The following PIWIL1 variants were observed in gnomAD, a reference collection of about 807,000 sequenced individuals.
PIWIL1 encodes piwi-like protein 1.
In PIWIL1, 73 loss-of-function variants were observed where a neutral mutation model predicts 114.4. That is an observed-to-expected ratio of 0.64 (90% confidence interval 0.53 to 0.78). The LOEUF (loss-of-function observed/expected upper bound fraction) is 0.78, where lower values mean the gene tolerates loss of function less well. Ranked by LOEUF, PIWIL1 falls within the 30% of genes least tolerant of loss-of-function variation. PIWIL1 has a pLI of 0.00. For missense variants in PIWIL1, 723 were observed against 1,063.1 expected (o/e 0.68, Z 4.45); for synonymous variants, 375 against 369.0 (o/e 1.02, Z -0.19).
chr12:130,421,920 G>A, the PIWIL1 span, among the ~76,000 whole-genome samples: 1,003 of 152,324 alleles, frequency 6.6e-3, 7 homozygotes, highest in African/African-American at 0.023. Flanking sequence ...GAATGGAAAC[G>A]GAATGCCAGA....
At chr12:130,352,515 C>A (rs1003912558) in intron 9 of PIWIL1, among the ~76,000 whole-genome samples, 1 of 152,056 alleles carries the variant, frequency 6.6e-6, no homozygotes, top group East Asian at 1.9e-4. Context: ...CTCGTCTCTA[C>A]TAAAAATACA....
chr12:130,349,078 G>A (rs574408814), intron 7 of PIWIL1, among the ~76,000 whole-genome samples, 161 bp from the exon 8 acceptor site: 2 of 152,238 alleles, frequency 1.3e-5, no homozygotes, highest in African/African-American at 4.8e-5. Flanking sequence ...GTTGTTGAAG[G>A]TCTTAAAGCT....
At chr12:130,347,986 G>A (rs1247739903) in intron 6 of PIWIL1, 117 bp from the exon 7 acceptor site, 4 of 594,500 alleles carry the variant, frequency 6.7e-6, no homozygotes, top group Non-Finnish European at 1.2e-5. Context: ...CAGGTAGGTT[G>A]GATTTGGCCT....
chr12:130,352,671 C>CAAAT (rs916943775), intron 9 of PIWIL1, among the ~76,000 whole-genome samples: 1 of 152,036 alleles, frequency 6.6e-6, no homozygotes, highest in Non-Finnish European at 1.5e-5. Context: ...AACTCTGTCT[C>CAAAT]AAATAAATAA....
the PIWIL1 span, chr12:130,412,883 A>G: frequency 8.7e-7 from 1 of 1,143,964 alleles, no homozygotes; most frequent in Non-Finnish European, 1.2e-6. Context: ...TCGAAAATAT[A>G]TTTTAAATAT....
the PIWIL1 span, among the ~76,000 whole-genome samples, chr12:130,409,381 C>A: frequency 8.6e-6 from 1 of 116,608 alleles, no homozygotes; most frequent in Non-Finnish European, 1.6e-5. Context: ...CTCGCTCTGT[C>A]GCCCAGGCTG....
At chr12:130,425,942 T>C in the PIWIL1 span, 30,970 of 152,374 alleles carry the variant, frequency 0.2, 3,671 homozygotes, top group East Asian at 0.45. Flanking sequence ...ACAAGCCAGG[T>C]GAGGAGGCAT....
intron 18 of PIWIL1, among the ~76,000 whole-genome samples, chr12:130,364,664 G>T (rs2073606827): frequency 6.6e-6 from 1 of 152,018 alleles, no homozygotes; most frequent in South Asian, 2.1e-4. Context: ...TTGTTTTCAG[G>T]CTTTAGAAGC....
chr12:130,376,542 T>G (rs1451193221), downstream of PIWIL1, among the ~76,000 whole-genome samples: 1 of 152,206 alleles, frequency 6.6e-6, no homozygotes, highest in Non-Finnish European at 1.5e-5. Context: ...AAAGTTAAAC[T>G]GTGATTTCTT....
chr12:130,341,066 A>G (rs1320874922), intron 1 of PIWIL1, among the ~76,000 whole-genome samples: 6 of 152,222 alleles, frequency 3.9e-5, no homozygotes, highest in African/African-American at 1.2e-4. Context: ...TCAGAGGATG[A>G]AAAAGATAAT....
At chr12:130,382,709 T>C in the PIWIL1 span, among the ~76,000 whole-genome samples, 1 of 152,232 alleles carries the variant, frequency 6.6e-6, no homozygotes, top group Non-Finnish European at 1.5e-5. Flanking sequence ...TGAGCTTCAA[T>C]GTCTTCCTCT....
chr12:130,344,812 T>C (rs894670486), intron 3 of PIWIL1, among the ~76,000 whole-genome samples: 18 of 152,218 alleles, frequency 1.2e-4, no homozygotes, highest in African/African-American at 4.1e-4. Flanking sequence ...GGCTCTCTTA[T>C]GGAATTTTTC....
chr12:130,424,671 G>A, the PIWIL1 span: 9 of 1,231,868 alleles, frequency 7.3e-6, no homozygotes, highest in East Asian at 3.2e-5. This position sits in a 1 kb window ranked among gnomAD's most constrained non-coding sequence, Gnocchi z 9.8. Context: ...GCCGGGCCTG[G>A]GCTCTCTGGC....
In PIWIL1 at chr12:130,371,669, T is replaced by G. The variant is rs944372086; in HGVS notation, c.*71T>G. ...GGATTTTTTTAAGCTTTTATTTACT[T>G]TTTTTTTAACTGTTATCTTTCTGGA... On this transcript the variant is annotated 3_prime_UTR_variant, in exon 21 of 21. Coordinates refer to ENST00000245255, the MANE Select transcript of PIWIL1 (RefSeq NM_004764.5). The G allele has an allele frequency of 2.1e-6, 2 of 972,730 alleles. No homozygotes were observed. 60.3% of individuals were successfully genotyped at this position (972,730 alleles called of 1,614,324 possible).
rs560846994 is a variant in PIWIL1 at position 130,367,652 on chromosome 12, G to A, written c.2321+394G>A. On this transcript the variant is annotated intron_variant, in intron 19 of 20. Coordinates refer to ENST00000245255, the MANE Select transcript of PIWIL1 (RefSeq NM_004764.5). ...AGGTCAAGAAGTTTTATCTGAGACA[G>A]AGGTGCTTATGAGTAAAGTGGCTTC... Among the ~76,000 whole-genome samples the A allele has an allele frequency of 3.9e-5, 6 of 152,346 alleles. No individual in the cohort carries two copies. In the South Asian group the frequency reaches 1.2e-3, roughly 32 times the overall value.
intron 18 of PIWIL1, chr12:130,366,787 C>T (rs1026407799): frequency 5.0e-6 from 1 of 198,160 alleles, no homozygotes; most frequent in Admixed American, 5.5e-5. Context: ...ATTTTCTACA[C>T]AGTAGAAAAT....
At chr12:130,413,560 GA>G in the PIWIL1 span, among the ~76,000 whole-genome samples, 38 of 147,130 alleles carry the variant, frequency 2.6e-4, no homozygotes, top group Non-Finnish European at 3.9e-4. Flanking sequence ...TTGAACCTGG[GA>G]AACAGAGGTT....
intron 9 of PIWIL1, chr12:130,351,070 C>T (rs950446512): frequency 6.6e-6 from 1 of 152,212 alleles, no homozygotes; most frequent in Non-Finnish European, 1.5e-5. Flanking sequence ...CATGCCTAAC[C>T]TGGATCCCTC....
At chr12:130,349,772 A>G in intron 8 of PIWIL1, 84 bp from the exon 9 acceptor site, 1 of 789,350 alleles carries the variant, frequency 1.3e-6, no homozygotes, top group South Asian at 1.9e-5. Flanking sequence ...GAAATTTTAG[A>G]GAATACATGC....
Sources: gnomAD v4.1 joint callset for allele counts (sites outside exome capture counted in the v4.1 genomes callset) on GRCh38, gnomAD v4.1.1 for gene constraint, Gnocchi (gnomAD v3.1) non-coding constraint, MANE v1.5 for transcripts, NCBI Gene and HGNC (gene_info 2026-07-23, HGNC 2026-07-21) for gene names.